The following RTKN2 variants were observed in gnomAD, a reference collection of about 807,000 sequenced individuals.
RTKN2 encodes rhotekin-2.
In RTKN2, 69 loss-of-function variants were observed where a neutral mutation model predicts 71.5. The observed-to-expected ratio is 0.96, with a 90% CI of 0.79 to 1.18. RTKN2 has a LOEUF of 1.18. Ranked by LOEUF, RTKN2 falls within the 50% of genes most tolerant of loss-of-function variation. The pLI is 0.00. For synonymous variants in RTKN2, 236 were observed against 236.5 expected, an observed-to-expected ratio of 1.00 and a Z score of 0.02; for missense variants, 724 against 719.7, an observed-to-expected ratio of 1.01 and a Z score of -0.07.
In RTKN2 at chr10:62,207,145, G is replaced by A. The variant is rs555026632; in HGVS notation, c.1021-2123C>T. On this transcript the variant is annotated intron_variant, in intron 9 of 11. Transcript: ENST00000373789. Reference sequence around the variant, plus strand: ...AAAGTGGATTCAATCTTTAAATAAGGGAAATTTGATTTTTATAGATGAATT... The same window carrying A: ...AAAGTGGATTCAATCTTTAAATAAGAGAAATTTGATTTTTATAGATGAATT... 2.0e-5 allele frequency among the ~76,000 whole-genome samples: 3 copies of A among 152,030 alleles called. No individual in the cohort carries two copies. The South Asian group carries it at 6.2e-4, about 32-fold the overall frequency.
chr10:62,192,687 A>C (rs931010733), downstream of RTKN2, among the ~76,000 whole-genome samples: 3 of 152,150 alleles, frequency 2.0e-5, no homozygotes, highest in African/African-American at 7.2e-5. Context: ...TTGAAGACCG[A>C]AGGGGCTACT....
At chr10:62,244,564 T>C (rs1842442923) in intron 3 of RTKN2, among the ~76,000 whole-genome samples, 2 of 152,244 alleles carry the variant, frequency 1.3e-5, no homozygotes, top group Admixed American at 1.3e-4. Context: ...ATTTATATAC[T>C]GAGTGACACT....
rs1204234026 is a variant in RTKN2, at chr10:62,235,941, C to T, written c.686+125G>A. The stretch of plus-strand genomic sequence containing the variant: ...CCTCAGTTGAGTAAATGTCAAACAA[C>T]TAAGTTTTGTTTTTGTTTCCTGATG... On this transcript the variant is annotated intron_variant, in intron 6 of 11. Transcript: ENST00000373789. The T allele has an allele frequency of 2.6e-5, 18 of 700,674 alleles. No individual in the cohort carries two copies. In the East Asian group the frequency reaches 4.6e-4, roughly 18 times the overall value. The allele number at this position is 700,674 out of a possible 1,614,324, so 43.4% of individuals were successfully genotyped here.
At position 62,197,234 on chromosome 10, in the gene RTKN2, T is replaced by C. The variant is rs574032020; in HGVS notation, c.*674A>G. Reference sequence around the variant, plus strand: ...TCTACCATTTCTCTAAACTAGTAAGTGTTATGCTTCATTTATGAAAGTTAA... The same window carrying C: ...TCTACCATTTCTCTAAACTAGTAAGCGTTATGCTTCATTTATGAAAGTTAA... On this transcript the variant is annotated 3_prime_UTR_variant, in exon 12 of 12. Transcript: ENST00000373789. The C allele has an allele frequency of 1.0e-5, 10 of 985,496 alleles. No individual in the cohort carries two copies. In the Admixed American group the frequency reaches 1.8e-4, roughly 18 times the overall value. The allele number at this position is 985,496 out of a possible 1,614,324, so 61.0% of individuals were successfully genotyped here.
chr10:62,249,503 A>G (rs189996630), intron 2 of RTKN2, among the ~76,000 whole-genome samples: 3 of 152,204 alleles, frequency 2.0e-5, no homozygotes, highest in Admixed American at 1.3e-4. Context: ...TCAGTGCTCT[A>G]TCACCAGTGC....
chr10:62,224,374 G>A (rs558215474), intron 6 of RTKN2, among the ~76,000 whole-genome samples: 68 of 152,144 alleles, frequency 4.5e-4, no homozygotes, highest in Non-Finnish European at 7.5e-4. Context: ...ATTTTTCAAC[G>A]ATGCAAGTTA....
At chr10:62,213,319 C>T (rs1157420827) in intron 9 of RTKN2, among the ~76,000 whole-genome samples, 3 of 152,116 alleles carry the variant, frequency 2.0e-5, no homozygotes, top group East Asian at 1.9e-4. Context: ...CCAGTAGTGG[C>T]GACAACCTGA....
At chr10:62,247,097 G>C (rs928425499) in intron 2 of RTKN2, among the ~76,000 whole-genome samples, 5 of 151,860 alleles carry the variant, frequency 3.3e-5, no homozygotes, top group African/African-American at 1.2e-4. Context: ...TTTTCCATTT[G>C]GATATTGTTT....
intron 9 of RTKN2, among the ~76,000 whole-genome samples, chr10:62,215,437 G>A (rs1564506586): frequency 6.6e-6 from 1 of 151,944 alleles, no homozygotes; most frequent in Non-Finnish European, 1.5e-5. Flanking sequence ...ATGCACTATA[G>A]GATCCTTGAT....
At chr10:62,202,863 A>G (rs1183042013) in intron 10 of RTKN2, among the ~76,000 whole-genome samples, 2 of 152,214 alleles carry the variant, frequency 1.3e-5, no homozygotes, top group Non-Finnish European at 2.9e-5. Flanking sequence ...TTTTATGCAC[A>G]TAACAATTAT....
At chr10:62,202,917 T>A (rs943761768) in intron 10 of RTKN2, among the ~76,000 whole-genome samples, 8 of 152,118 alleles carry the variant, frequency 5.3e-5, no homozygotes, top group Non-Finnish European at 1.5e-5. Flanking sequence ...TCCCAGCACT[T>A]TGGGGGGCTG....
At chr10:62,189,779 A>ATCTT (rs1841191375), downstream of RTKN2, among the ~76,000 whole-genome samples, 1 of 151,958 alleles carries the variant, frequency 6.6e-6, no homozygotes, top group Non-Finnish European at 1.5e-5. Flanking sequence ...CAGTGAGCCA[A>ATCTT]GATCACGCCA....
downstream of RTKN2, among the ~76,000 whole-genome samples, chr10:62,192,671 C>T (rs138496922): frequency 7.6e-3 from 1,152 of 152,244 alleles, 15 homozygotes; most frequent in Non-Finnish European, 0.011. Context: ...TGCACTGTTG[C>T]TGACTTTGAA....
chr10:62,268,794 A>G lies in RTKN2; in HGVS notation c.-184T>C. The stretch of plus-strand genomic sequence containing the variant: ...GCAGTGGGCGCGCCTTGCGCTCTGC[A>G]GCTCCCGCCGCCGGAAGTTGCCGAG... On this transcript the variant is annotated 5_prime_UTR_variant, in exon 1 of 12. Transcript: ENST00000373789. 3.4e-6 allele frequency: 2 copies of G among 589,790 alleles called. No homozygotes were observed. The highest frequency in any genetic ancestry group is 3.3e-5 in the East Asian group (1 of 30,100). The allele number at this position is 589,790 out of a possible 1,614,324, so 36.5% of individuals were successfully genotyped here.
rs1464785184 is a variant in RTKN2 at position 62,194,958 on chromosome 10, C to T, written c.*2950G>A. ...CAGTTAAGGAGGATTTAACAAAACTCAGCAAGAGTTGGCACGCCTGATATT... is the reference window on the plus strand; with the variant it reads ...CAGTTAAGGAGGATTTAACAAAACTTAGCAAGAGTTGGCACGCCTGATATT... On this transcript the variant is annotated 3_prime_UTR_variant, in exon 12 of 12. Coordinates refer to ENST00000373789, the MANE Select transcript of RTKN2 (RefSeq NM_145307.4). 42 of 985,398 alleles carry T rather than the reference C, an allele frequency of 4.3e-5. No individual in the cohort carries two copies. Among genetic ancestry groups the T allele is most frequent in the Non-Finnish European group, 5.1e-5 (42 of 829,916 alleles). 61.0% of individuals were successfully genotyped at this position (985,398 alleles called of 1,614,324 possible). A position where few individuals can be genotyped will look rare whatever the true frequency, so the allele number is the denominator to read the frequency against.
At chr10:62,221,341 A>C (rs1337869615) in intron 7 of RTKN2, among the ~76,000 whole-genome samples, 1 of 152,058 alleles carries the variant, frequency 6.6e-6, no homozygotes, top group Non-Finnish European at 1.5e-5. Context: ...AACAAGGAAA[A>C]ATTGCCTTAA....
At chr10:62,230,224 T>C (rs1842120083) in intron 6 of RTKN2, among the ~76,000 whole-genome samples, 1 of 152,240 alleles carries the variant, frequency 6.6e-6, no homozygotes, top group South Asian at 2.1e-4. Flanking sequence ...CAGGTTGGTG[T>C]GCAATGGCTC....
intron 9 of RTKN2, among the ~76,000 whole-genome samples, chr10:62,206,478 A>C (rs1478390540): frequency 6.6e-6 from 1 of 152,122 alleles, no homozygotes; most frequent in African/African-American, 2.4e-5. Context: ...TATACTACAC[A>C]AGGAATTCCC....
rs1841949150 is a variant in RTKN2 at position 62,223,275 on chromosome 10, A to G, written c.744T>C (p.Asp248=). The part of the protein sequence containing the change: ...HTTLTLESAE[D]SFKTHNLSIN... ...TAGACAGATTATGGGTCTTGAAACT[A>G]TCCTCAGCACTTTCCAAGGTTAGGG... The change falls in exon 7 of 12, where the codon GAT becomes GAC. Residue 248 remains aspartate (D), a synonymous_variant. Coordinates refer to ENST00000373789, the MANE Select transcript of RTKN2 (RefSeq NM_145307.4). 2 of 1,610,672 alleles carry G rather than the reference A, an allele frequency of 1.2e-6. No homozygotes were observed. The highest frequency in any genetic ancestry group is 2.2e-5 in the South Asian group (2 of 91,006).
Sources: gnomAD v4.1 joint callset for allele counts (sites outside exome capture counted in the v4.1 genomes callset) on GRCh38, gnomAD v4.1.1 for gene constraint, MANE v1.5 for transcripts, NCBI Gene and HGNC (gene_info 2026-07-23, HGNC 2026-07-21) for gene names.